Variants in PPFIA3 observed in about 807,000 individuals in gnomAD.
PPFIA3 encodes the protein liprin-alpha-3.
Under a neutral mutation model 145.8 loss-of-function variants are expected in PPFIA3, and 26 were observed. That is an observed-to-expected ratio of 0.18 (90% CI 0.13 to 0.25). The LOEUF is 0.25. Among genes scored for constraint, PPFIA3 ranks in the 10% least tolerant of loss-of-function variants. The pLI, the probability that PPFIA3 is intolerant of heterozygous loss-of-function variation, is 1.00. For synonymous variants in PPFIA3, 645 were observed against 661.4 expected (o/e 0.98, Z 0.38); for missense variants, 1,008 against 1,587.8 (o/e 0.63, Z 6.21).
intron 21 of PPFIA3, among the ~76,000 whole-genome samples, chr19:49,144,796 T>C (rs912750173): frequency 1.3e-5 from 2 of 152,140 alleles, no homozygotes; most frequent in African/African-American, 4.8e-5. Flanking sequence ...TACTTGAATG[T>C]AATTGGAGAA....
chr19:49,136,056 C>A, intron 14 of PPFIA3, 133 bp downstream of exon 14: 1 of 1,073,806 alleles, frequency 9.3e-7, no homozygotes, highest in Non-Finnish European at 1.2e-6. Flanking sequence ...TCCACTCACC[C>A]TTTCTTCTCT....
rs746219783 is a variant in PPFIA3 at position 49,130,426 on chromosome 19, G to A, written c.706G>A (p.Ala236Thr). ...GPGGDSNRRTAELEEALERQR... is the reference protein window; with the variant it reads ...GPGGDSNRRTTELEEALERQR... ...TGGCGGGGATTCCAACCGGCGCACA[G>A]CAGAGCTGGAGGAGGCCCTGGAGCG... is the stretch of plus-strand genomic sequence containing the variant. The change falls in exon 7 of 30, where the codon GCA (alanine) becomes ACA (threonine). Residue 236 changes from alanine (A) to threonine (T), a missense_variant. By Grantham distance (58) the Ala-to-Thr change is moderately conservative. Transcript: ENST00000334186. This position sits in a 1 kb window ranked among gnomAD's most constrained non-coding sequence, Gnocchi z 4.5. The A allele has an allele frequency of 7.4e-6, 12 of 1,610,800 alleles. No individual in the cohort carries two copies. Among genetic ancestry groups the A allele is most frequent in the Non-Finnish European group, 1.0e-5 (12 of 1,178,874 alleles).
chr19:49,124,720 A>G (rs1217098746), intron 1 of PPFIA3, among the ~76,000 whole-genome samples: 1 of 152,124 alleles, frequency 6.6e-6, no homozygotes. Flanking sequence ...GCTCTGGAAC[A>G]GGCTCCCCAA....
chr19:49,136,742 C>G lies in PPFIA3; in HGVS notation c.1684C>G (p.Pro562Ala), dbSNP rs771065304. ...EPSKDWERSA[P>A]AGSIPPPFPG... ...GGGATAGGATTGGGAGCGGTCTGCC[C>G]CTGCGGGCTCCATACCACCCCCATT... The change falls in exon 15 of 30, where the codon CCT becomes GCT. Residue 562 changes from proline to alanine, a missense_variant. Physicochemically the swap from Pro to Ala is conservative, Grantham distance 27. Around this residue, in one of 11 missense-constraint regions of PPFIA3, gnomAD observed 121 missense variants for 138.2 expected, o/e 0.88. Coordinates refer to ENST00000334186, the MANE Select transcript of PPFIA3 (RefSeq NM_003660.4). 1 of 1,549,112 alleles carries G rather than the reference C, an allele frequency of 6.5e-7. No individual in the cohort carries two copies.
intron 16 of PPFIA3, 58 bp from the exon 17 acceptor site, chr19:49,139,610 A>C: frequency 6.6e-7 from 1 of 1,504,026 alleles, no homozygotes; most frequent in Non-Finnish European, 8.9e-7. Flanking sequence ...TCAGTTAATA[A>C]GGAGCCCCCG....
At chr19:49,137,721 C>T (rs2041158215) in intron 15 of PPFIA3, among the ~76,000 whole-genome samples, 1 of 150,694 alleles carries the variant, frequency 6.6e-6, no homozygotes. Flanking sequence ...CAGCAATGGC[C>T]ATATTCAGCA....
rs1316293902 is a variant in PPFIA3, at chr19:49,149,381, A to C, written c.3354+56A>C. The C allele has an allele frequency of 2.5e-6, 4 of 1,603,174 alleles. No homozygotes were observed. In the African/African-American group the frequency reaches 4.0e-5, roughly 16 times the overall value. On this transcript the variant is annotated intron_variant, in intron 27 of 29. Transcript: ENST00000334186. The surrounding 1 kb of genome is among the most constrained non-coding windows in gnomAD (Gnocchi z 5.7). ...CTCCCAGCGGCTCCTCGAGAGGCTG[A>C]GCTGAGGGGGCGGGGCCTGACTATT... is the stretch of plus-strand genomic sequence containing the variant.
At chr19:49,129,294 C>A (rs1264495346) in intron 4 of PPFIA3, 86 bp from the exon 5 acceptor site, 1 of 1,384,698 alleles carries the variant, frequency 7.2e-7, no homozygotes, top group Non-Finnish European at 9.8e-7. Flanking sequence ...CCTATCGGAT[C>A]CGTCCCAGGG....
chr19:49,125,079 T>C (rs1600323385), intron 1 of PPFIA3, among the ~76,000 whole-genome samples: 1 of 150,718 alleles, frequency 6.6e-6, no homozygotes, highest in South Asian at 2.1e-4. Context: ...AAAAAAAAAA[T>C]AGAGATCATG....
chr19:49,139,412 C>T, intron 16 of PPFIA3, among the ~76,000 whole-genome samples: 1 of 150,606 alleles, frequency 6.6e-6, no homozygotes, highest in South Asian at 2.1e-4. Flanking sequence ...TCTCTTGAAC[C>T]TGGGAGGCAG....
Position 49,133,669 on chromosome 19 carries a change from CA to C in PPFIA3, c.1162-124del. 1 of 1,078,754 alleles carries C rather than the reference CA, an allele frequency of 9.3e-7. No homozygotes were observed. Among genetic ancestry groups the C allele is most frequent in the East Asian group, 2.5e-5 (1 of 39,218 alleles). 66.8% of individuals were successfully genotyped at this position (1,078,754 alleles called of 1,614,324 possible). Reference sequence around the variant, plus strand: ...CTAGGCGCAGGGGCGGGGCCTGACTCAAAGGTGCAGGGGAGGAGCCTGGCGC... The same window carrying C: ...CTAGGCGCAGGGGCGGGGCCTGACTCAAGGTGCAGGGGAGGAGCCTGGCGC... On this transcript the variant is annotated intron_variant, in intron 9 of 29. Coordinates refer to ENST00000334186, the MANE Select transcript of PPFIA3 (RefSeq NM_003660.4). This position sits in a 1 kb window ranked among gnomAD's most constrained non-coding sequence, Gnocchi z 7.2.
In PPFIA3 at chr19:49,120,092, G is replaced by A. The variant is rs2040917005; in HGVS notation, c.-16+370G>A. Among the ~76,000 whole-genome samples the A allele has an allele frequency of 1.3e-5, 2 of 152,026 alleles. No homozygotes were observed. Among genetic ancestry groups the A allele is most frequent in the South Asian group, 4.1e-4 (2 of 4,834 alleles). On this transcript the variant is annotated intron_variant, in intron 1 of 29. Transcript: ENST00000334186. This position sits in a 1 kb window ranked among gnomAD's most constrained non-coding sequence, Gnocchi z 4.6. ...CGCGTCCGCATCGTCCCCGCTTCGC[G>A]CACTCCGTCTCCCGTCGCCAGCCTC...
intron 15 of PPFIA3, 121 bp downstream of exon 15, chr19:49,137,032 T>A (rs2041146849): frequency 9.9e-7 from 1 of 1,010,340 alleles, no homozygotes. Flanking sequence ...AAGGAATTCT[T>A]CCAGCCCAAC....
rs990830484 is a variant in PPFIA3, at chr19:49,133,555, G to GA, written c.1161+185dup. Among the ~76,000 whole-genome samples, 39 of 152,274 alleles carry GA rather than the reference G, an allele frequency of 2.6e-4. No homozygotes were observed. Among genetic ancestry groups the GA allele is most frequent in the African/African-American group, 8.2e-4 (34 of 41,550 alleles). ...GGAGGGCCTGGAGGTTTGCGCGGGGGACGGATGGGAGCGGGGTTCTCTAGC... is the reference window on the plus strand; with the variant it reads ...GGAGGGCCTGGAGGTTTGCGCGGGGGAACGGATGGGAGCGGGGTTCTCTAGC... On this transcript the variant is annotated intron_variant, in intron 9 of 29. Transcript: ENST00000334186. The surrounding 1 kb of genome is among the most constrained non-coding windows in gnomAD (Gnocchi z 7.2).
intron 1 of PPFIA3, among the ~76,000 whole-genome samples, chr19:49,127,090 A>T: frequency 6.6e-6 from 1 of 151,262 alleles, no homozygotes; most frequent in Non-Finnish European, 1.5e-5. Context: ...CAAAAAAAAA[A>T]AAAAAAAAAA....
At chr19:49,137,624 G>C (rs369429595) in intron 15 of PPFIA3, among the ~76,000 whole-genome samples, 1 of 44,766 alleles carries the variant, frequency 2.2e-5, no homozygotes, top group African/African-American at 1.0e-4. Context: ...GCGAGACTCC[G>C]TGTCAAAAAA....
rs2041036593 is a variant in PPFIA3 at position 49,128,916 on chromosome 19, G to A, written c.411G>A (p.Lys137=). 6.2e-7 allele frequency: 1 copy of A among 1,613,904 alleles called. No individual in the cohort carries two copies. Among genetic ancestry groups the A allele is most frequent in the Admixed American group, 1.7e-5 (1 of 59,984 alleles). ...HERSLRMTVV[K]RQAQSPGGVS... ...GGTCACTGCGCATGACCGTGGTGAA[G>A]CGCCAGGCCCAGTCCCCGGGTGGGG... The change falls in exon 4 of 30, where the codon AAG becomes AAA. Residue 137 remains lysine, a synonymous_variant. Transcript: ENST00000334186. This position sits in a 1 kb window ranked among gnomAD's most constrained non-coding sequence, Gnocchi z 4.1.
chr19:49,137,628 C>CAAAAAAAAAAAAAAAAAAAAAAA lies in PPFIA3; in HGVS notation c.1854-569_1854-547dup. Among the ~76,000 whole-genome samples, 28 of 43,784 alleles carry CAAAAAAAAAAAAAAAAAAAAAAA rather than the reference C, an allele frequency of 6.4e-4. 1 individual carries two copies. Among genetic ancestry groups the CAAAAAAAAAAAAAAAAAAAAAAA allele is most frequent in the Non-Finnish European group, 7.0e-4 (17 of 24,152 alleles). 28.7% of individuals were successfully genotyped at this position (43,784 alleles called of 152,430 possible). On this transcript the variant is annotated intron_variant, in intron 15 of 29. Coordinates refer to ENST00000334186, the MANE Select transcript of PPFIA3 (RefSeq NM_003660.4). ...TGGGCTACAGAGCGAGACTCCGTGT[C>CAAAAAAAAAAAAAAAAAAAAAAA]AAAAAAAAAAAAAAAAAAAAAAAAA... is the stretch of plus-strand genomic sequence containing the variant.
intron 7 of PPFIA3, 141 bp from the exon 8 acceptor site, chr19:49,132,858 GCT>G: frequency 5.8e-6 from 6 of 1,043,046 alleles, no homozygotes; most frequent in Non-Finnish European, 8.2e-6. Flanking sequence ...CTTAAGATGG[GCT>G]AGTCCTGGGA....
Sources: gnomAD v4.1 joint callset for allele counts (sites outside exome capture counted in the v4.1 genomes callset) on GRCh38, gnomAD v4.1.1 for gene constraint, gnomAD v4.1.1 regional missense constraint, Gnocchi (gnomAD v3.1) non-coding constraint, MANE v1.5 for transcripts, NCBI Gene and HGNC (gene_info 2026-07-23, HGNC 2026-07-21) for gene names.